The following CDH18 variants were observed in gnomAD, a reference collection of about 807,000 sequenced individuals.
CDH18 encodes cadherin 18, also known as cadherin-18.
Under a neutral mutation model 67.9 loss-of-function variants are expected in CDH18, and 31 were observed. That is an observed-to-expected ratio of 0.46 (90% CI 0.34 to 0.62). The LOEUF is 0.62. Among genes scored for constraint, CDH18 ranks in the 20% least tolerant of loss-of-function variants. CDH18 has a pLI of 0.01. For synonymous variants in CDH18, 362 were observed against 347.2 expected (o/e 1.04, Z -0.48); for missense variants, 890 against 975.5 (o/e 0.91, Z 1.17).
intron 6 of CDH18, among the ~76,000 whole-genome samples, chr5:19,600,877 G>A (rs1747017552): frequency 1.3e-5 from 2 of 152,096 alleles, no homozygotes; most frequent in African/African-American, 4.8e-5. Flanking sequence ...TAGAAAAATG[G>A]CAGATTACAA....
chr5:19,755,575 GAT>G (rs1276905562), intron 3 of CDH18, among the ~76,000 whole-genome samples: 1 of 141,352 alleles, frequency 7.1e-6, no homozygotes, highest in East Asian at 2.0e-4. Flanking sequence ...TAAAATATAG[GAT>G]ATATATAATA....
intron 2 of CDH18, among the ~76,000 whole-genome samples, chr5:20,243,578 T>A (rs1020839324): frequency 2.6e-5 from 4 of 152,084 alleles, no homozygotes; most frequent in Non-Finnish European, 5.9e-5. Context: ...TCTAGCTCGC[T>A]GTGAAATAGA....
chr5:20,192,795 G>T (rs1005408635), intron 2 of CDH18, among the ~76,000 whole-genome samples: 3 of 152,052 alleles, frequency 2.0e-5, no homozygotes, highest in Middle Eastern at 3.2e-3. Flanking sequence ...GATGCCTCCA[G>T]CTTTATTCCT....
chr5:19,734,140 C>G (rs79309714), intron 4 of CDH18, among the ~76,000 whole-genome samples: 6,649 of 152,190 alleles, frequency 0.044, 474 homozygotes, highest in African/African-American at 0.15. Flanking sequence ...TAATCCTTGT[C>G]TTTTATCTTG....
chr5:19,642,553 G>T (rs558774745), intron 5 of CDH18, among the ~76,000 whole-genome samples: 1 of 151,970 alleles, frequency 6.6e-6, no homozygotes, highest in Non-Finnish European at 1.5e-5. Context: ...CTTTAAAAAG[G>T]ATGCAAAGAA....
chr5:20,065,503 T>C (rs1742903792), intron 2 of CDH18, among the ~76,000 whole-genome samples: 1 of 152,044 alleles, frequency 6.6e-6, no homozygotes, highest in Non-Finnish European at 1.5e-5. Flanking sequence ...CTTCAACTTA[T>C]AATGAAGTTA....
At chr5:20,107,377 C>G (rs553965407) in intron 2 of CDH18, among the ~76,000 whole-genome samples, 32 of 152,278 alleles carry the variant, frequency 2.1e-4, no homozygotes, top group African/African-American at 7.5e-4. Context: ...CCCAGCCTCT[C>G]TCTTATAACT....
intron 2 of CDH18, among the ~76,000 whole-genome samples, chr5:20,237,219 G>A (rs1279371809): frequency 2.0e-5 from 3 of 151,858 alleles, no homozygotes; most frequent in African/African-American, 4.8e-5. Context: ...AAAAATTATA[G>A]TTCATGGTGA....
intron 2 of CDH18, among the ~76,000 whole-genome samples, chr5:20,140,881 C>T (rs527948555): frequency 1.3e-5 from 2 of 152,246 alleles, no homozygotes; most frequent in South Asian, 4.1e-4. Context: ...TTCCATCAAA[C>T]TTCCAGACAA....
chr5:19,699,814 C>A (rs960728774), intron 5 of CDH18, among the ~76,000 whole-genome samples: 13 of 151,976 alleles, frequency 8.6e-5, no homozygotes, highest in Non-Finnish European at 1.8e-4. Context: ...TTGTTTAAGC[C>A]ACCCAGTCTA....
chr5:20,391,263 C>G (rs1374655751), intron 1 of CDH18, among the ~76,000 whole-genome samples: 1 of 151,650 alleles, frequency 6.6e-6, no homozygotes, highest in Non-Finnish European at 1.5e-5. Context: ...GATGAAGATA[C>G]TCTTATATTG....
chr5:20,345,902 CT>C (rs1740660876), intron 1 of CDH18, among the ~76,000 whole-genome samples: 1 of 152,134 alleles, frequency 6.6e-6, no homozygotes, highest in Non-Finnish European at 1.5e-5. Flanking sequence ...TGTATATCTC[CT>C]TTGGAATGTC....
intron 9 of CDH18, among the ~76,000 whole-genome samples, chr5:19,537,832 A>AGTGTG (rs1749660331): frequency 6.6e-6 from 1 of 152,220 alleles, no homozygotes; most frequent in East Asian, 1.9e-4. Flanking sequence ...CTGACTAGCA[A>AGTGTG]GTATCATTTA....
At chr5:19,822,925 T>C (rs1780028615) in intron 3 of CDH18, among the ~76,000 whole-genome samples, 1 of 152,142 alleles carries the variant, frequency 6.6e-6, no homozygotes, top group Admixed American at 6.5e-5. Context: ...AGCTCGACCA[T>C]AAAAGACAGC....
chr5:19,475,543 CACACACACACAT>C (rs1254128640), intron 12 of CDH18, among the ~76,000 whole-genome samples: 2 of 151,814 alleles, frequency 1.3e-5, no homozygotes, highest in African/African-American at 2.4e-5. Flanking sequence ...AACACACACA[CACACACACACAT>C]ACACACACAC....
chr5:20,298,529 ATC>A (rs1316811129), intron 1 of CDH18, among the ~76,000 whole-genome samples: 1 of 152,194 alleles, frequency 6.6e-6, no homozygotes, highest in Admixed American at 6.5e-5. Context: ...AAGATATTGC[ATC>A]TCAAATTTAA....
chr5:19,838,651 C>T, intron 3 of CDH18, 108 bp downstream of exon 3: 1 of 689,038 alleles, frequency 1.5e-6, no homozygotes, highest in East Asian at 2.7e-5. Context: ...CACTCTACAA[C>T]ATAATTTGCT....
At position 19,472,987 on chromosome 5, in the gene CDH18, T is replaced by C. The variant is rs754299623; in HGVS notation, c.*239A>G. The C allele has an allele frequency of 3.7e-4, 163 of 436,748 alleles. No homozygotes were observed. Among genetic ancestry groups the C allele is most frequent in the Non-Finnish European group, 5.5e-4 (135 of 246,052 alleles). The allele number at this position is 436,748 out of a possible 1,614,324, so 27.1% of individuals were successfully genotyped here. Reference sequence around the variant, plus strand: ...CAGTACCACAGACTTTATTGAGCAATTGAAAATATACACAAGGAACAATAA... The same window carrying C: ...CAGTACCACAGACTTTATTGAGCAACTGAAAATATACACAAGGAACAATAA... On this transcript the variant is annotated 3_prime_UTR_variant, in exon 13 of 13. Transcript: ENST00000382275.
At chr5:19,620,188 ATGG>A (rs1304010658) in intron 5 of CDH18, among the ~76,000 whole-genome samples, 5 of 152,334 alleles carry the variant, frequency 3.3e-5, no homozygotes, top group Admixed American at 6.5e-5. Context: ...ATGAAAATTG[ATGG>A]TGAAGTAGTT....
Sources: gnomAD v4.1 joint callset for allele counts (sites outside exome capture counted in the v4.1 genomes callset) on GRCh38, gnomAD v4.1.1 for gene constraint, MANE v1.5 for transcripts, NCBI Gene and HGNC (gene_info 2026-07-23, HGNC 2026-07-21) for gene names.